The following ATG9B variants were observed in gnomAD, a reference collection of about 807,000 sequenced individuals.
The protein encoded by ATG9B is autophagy related 9B.
A neutral mutation model predicts 92.9 loss-of-function variants in ATG9B; 92 were observed. The ratio of observed to expected loss-of-function variants is 0.99; its 90% CI spans 0.84 to 1.18. The LOEUF is 1.18. ATG9B is among the 50% of genes most tolerant of loss of function. ATG9B has a pLI of 0.00. For synonymous variants in ATG9B, 599 were observed against 551.4 expected, an observed-to-expected ratio of 1.09 and a Z score of -1.21; for missense variants, 1,344 against 1,235.0, an observed-to-expected ratio of 1.09 and a Z score of -1.32.
chr7:151,020,248 C>T (rs1584928833), intron 5 of ATG9B: 1 of 152,786 alleles, frequency 6.5e-6, no homozygotes, highest in Non-Finnish European at 1.5e-5. Context: ...GGCTGCAAAC[C>T]TCACTTCAGC....
chr7:151,012,528 G>A (rs2117138616), downstream of ATG9B: 3 of 1,570,228 alleles, frequency 1.9e-6, no homozygotes, highest in Middle Eastern at 3.4e-4. Context: ...TAGGGACAGA[G>A]GGGTGGGGCT....
intron 10 of ATG9B, 22 bp downstream of exon 10, chr7:151,016,666 C>T (rs919909251): frequency 5.1e-6 from 8 of 1,558,148 alleles, no homozygotes; most frequent in Admixed American, 1.9e-5. Flanking sequence ...CATGCCCCTG[C>T]ATCTCAGCCT....
chr7:151,013,104 A>T, downstream of ATG9B: 1 of 995,184 alleles, frequency 1.0e-6, no homozygotes, highest in Non-Finnish European at 1.5e-6. Context: ...GAGATGAAAC[A>T]GCCAAAGTAA....
downstream of ATG9B, chr7:151,014,535 A>C (rs1795401228): frequency 4.3e-6 from 1 of 232,402 alleles, no homozygotes; most frequent in Non-Finnish European, 8.3e-6. Context: ...AAGATTTACC[A>C]TAAGGGACTG....
chr7:151,021,825 TA>T (rs1795763291), intron 4 of ATG9B, among the ~76,000 whole-genome samples: 2 of 143,278 alleles, frequency 1.4e-5, no homozygotes, highest in African/African-American at 2.5e-5. Flanking sequence ...AATTTTTGTA[TA>T]TTTTAGTAGA....
In ATG9B at chr7:151,017,033, C is replaced by T. The variant is rs1795521757; in HGVS notation, c.2289+3G>A. ...AGAAGGGGAGGCCAGGCTTGGGACT[C>T]ACCAGGGGCGAGGTGCAGTTGCTGA... On this transcript the variant is annotated splice_donor_region_variant and intron_variant, in intron 9 of 13. Transcript: ENST00000639579. The T allele has an allele frequency of 1.3e-6, 2 of 1,581,842 alleles. No homozygotes were observed. Among genetic ancestry groups the T allele is most frequent in the East Asian group, 4.6e-5 (2 of 43,334 alleles).
In ATG9B at chr7:151,018,177, C is replaced by G; in HGVS notation, c.1872+117G>C. 4.1e-6 allele frequency: 6 copies of G among 1,465,358 alleles called. No homozygotes were observed. The South Asian group carries it at 8.5e-5, about 21-fold the overall frequency. 90.8% of individuals were successfully genotyped at this position (1,465,358 alleles called of 1,614,324 possible). On this transcript the variant is annotated intron_variant, in intron 7 of 13. Coordinates refer to ENST00000639579, the MANE Select transcript of ATG9B (RefSeq NM_001317056.2). The surrounding 1 kb of genome is among the most constrained non-coding windows in gnomAD (Gnocchi z 4.7). ...CCCCACCCAGTCACTCCCTAGACTC[C>G]TGGTATAGTCCGTTTGTCTCATGCC... is the stretch of plus-strand genomic sequence containing the variant.
At position 151,019,246 on chromosome 7, in the gene ATG9B, G is replaced by A; in HGVS notation, c.1092C>T (p.Tyr364=). 1.9e-6 allele frequency: 3 copies of A among 1,563,068 alleles called. No individual in the cohort carries two copies. The highest frequency in any genetic ancestry group is 2.6e-6 in the Non-Finnish European group (3 of 1,160,874). ...TGGCCAGCGCCACCTGGTAGTTGGTGTAGCGCAGGATGCGGTGGTGGATGT... is the reference window on the plus strand; with the variant it reads ...TGGCCAGCGCCACCTGGTAGTTGGTATAGCGCAGGATGCGGTGGTGGATGT... ...ELDIHHRILR[Y]TNYQVALANK... The change falls in exon 6 of 14, where the codon TAC becomes TAT. Residue 364 remains tyrosine, a synonymous_variant. Coordinates refer to ENST00000639579, the MANE Select transcript of ATG9B (RefSeq NM_001317056.2).
At position 151,018,273 on chromosome 7, in the gene ATG9B, C is replaced by T. The variant is rs1795589344; in HGVS notation, c.1872+21G>A. On this transcript the variant is annotated intron_variant, in intron 7 of 13. Coordinates refer to ENST00000639579, the MANE Select transcript of ATG9B (RefSeq NM_001317056.2). This position sits in a 1 kb window ranked among gnomAD's most constrained non-coding sequence, Gnocchi z 4.7. ...AGACCCCACAACTTCCTCCTCAGCCCGCCGTCGCGCCCACCCTCACCGCTC... is the reference window on the plus strand; with the variant it reads ...AGACCCCACAACTTCCTCCTCAGCCTGCCGTCGCGCCCACCCTCACCGCTC... The T allele has an allele frequency of 6.6e-7, 1 of 1,519,944 alleles. No homozygotes were observed. The highest frequency in any genetic ancestry group is 8.8e-7 in the Non-Finnish European group (1 of 1,142,546). The allele number at this position is 1,519,944 out of a possible 1,614,324, so 94.2% of individuals were successfully genotyped here.
rs2117179502 is a variant in ATG9B, at chr7:151,023,944, C to A, written c.480G>T (p.Glu160Asp). ...CGTGGATGGGTGAGTCTTGGGACCC[C>A]TCAGGGTCACAGTCCTCCAGCCGCT... is the stretch of plus-strand genomic sequence containing the variant. ...DYERLEDCDP[E>D]GSQDSPIHGE... Residue 160 changes from glutamate (E) to aspartate (D), a missense_variant, in exon 1 of 14, where the codon GAG becomes GAT. Coordinates refer to ENST00000639579, the MANE Select transcript of ATG9B (RefSeq NM_001317056.2). 2 of 1,590,544 alleles carry A rather than the reference C, an allele frequency of 1.3e-6. No homozygotes were observed. Among genetic ancestry groups the A allele is most frequent in the South Asian group, 1.1e-5 (1 of 88,174 alleles).
rs899714174 is a variant in ATG9B at position 151,018,851 on chromosome 7, G to T, written c.1487C>A (p.Pro496Gln). The change falls in exon 6 of 14, where the codon CCG becomes CAG. Residue 496 changes from proline (P) to glutamine (Q), a missense_variant. Coordinates refer to ENST00000639579, the MANE Select transcript of ATG9B (RefSeq NM_001317056.2). This position sits in a 1 kb window ranked among gnomAD's most constrained non-coding sequence, Gnocchi z 4.7. The part of the protein sequence containing the change: ...RLQLRHFNEL[P>Q]HELRARLARA... Reference sequence around the variant, plus strand: ...GGCCAGGCGCGCGCGCAGCTCGTGCGGCAGCTCGTTGAAGTGGCGCAGCTG... The same window carrying T: ...GGCCAGGCGCGCGCGCAGCTCGTGCTGCAGCTCGTTGAAGTGGCGCAGCTG... 8.9e-5 allele frequency: 117 copies of T among 1,309,666 alleles called. No homozygotes were observed. The highest frequency in any genetic ancestry group is 2.5e-4 in the Middle Eastern group (1 of 3,930). 81.1% of individuals were successfully genotyped at this position (1,309,666 alleles called of 1,614,324 possible).
At position 151,016,724 on chromosome 7, in the gene ATG9B, A is replaced by G; in HGVS notation, c.2387T>C (p.Leu796Pro). 1 of 1,610,310 alleles carries G rather than the reference A, an allele frequency of 6.2e-7. No homozygotes were observed. Among genetic ancestry groups the G allele is most frequent in the Admixed American group, 1.7e-5 (1 of 59,692 alleles). The change falls in exon 10 of 14, where the codon CTC becomes CCC. Residue 796 changes from leucine to proline, a missense_variant. Transcript: ENST00000639579. The part of the protein sequence containing the change: ...APCPAAATAS[L>P]LASISRIAQD... ...GGCAATTCGGGAAATGGAGGCAAGG[A>G]GGCTGGCTGTGGCCGCAGCTGGACA... is the stretch of plus-strand genomic sequence containing the variant.
At position 151,023,222 on chromosome 7, in the gene ATG9B, G is replaced by T. The variant is rs771074134; in HGVS notation, c.660-16C>A. The T allele has an allele frequency of 1.9e-6, 3 of 1,614,082 alleles. No homozygotes were observed. The highest frequency in any genetic ancestry group is 1.1e-5 in the South Asian group (1 of 91,058). On this transcript the variant is annotated splice_polypyrimidine_tract_variant and intron_variant, in intron 3 of 13. Transcript: ENST00000639579. Reference sequence around the variant, plus strand: ...AATAAATTGTCTGCCGGGAGGAAGGGGGGGTGCCGGGATGCTGCAGTGATC... The same window carrying T: ...AATAAATTGTCTGCCGGGAGGAAGGTGGGGTGCCGGGATGCTGCAGTGATC...
chr7:151,016,479 T>C lies in ATG9B; in HGVS notation c.2472A>G (p.Pro824=). The change falls in exon 11 of 14, where the codon CCA becomes CCG. Residue 824 remains proline, a synonymous_variant. Transcript: ENST00000639579. ...GTGGQKLAQL[P]ELASAEMSLH... ...GACTCATCTCGGCAGAAGCAAGTTC[T>C]GGGAGCTGGGCCAGCTTCTGGCCCC... 6.4e-7 allele frequency: 1 copy of C among 1,551,448 alleles called. No homozygotes were observed. Among genetic ancestry groups the C allele is most frequent in the Non-Finnish European group, 8.7e-7 (1 of 1,146,964 alleles).
chr7:151,018,769 C>CAGGGGCGCG lies in ATG9B; in HGVS notation c.1560_1568dup (p.Ala521_Leu523dup), dbSNP rs749288437. 6.7e-7 allele frequency: 1 copy of CAGGGGCGCG among 1,487,822 alleles called. No homozygotes were observed. Among genetic ancestry groups the CAGGGGCGCG allele is most frequent in the Non-Finnish European group, 8.9e-7 (1 of 1,123,670 alleles). The allele number at this position is 1,487,822 out of a possible 1,614,324, so 92.2% of individuals were successfully genotyped here. On this transcript the variant is annotated inframe_insertion, in exon 6 of 14. Coordinates refer to ENST00000639579, the MANE Select transcript of ATG9B (RefSeq NM_001317056.2). The surrounding 1 kb of genome is among the most constrained non-coding windows in gnomAD (Gnocchi z 4.7). ...CGAGCTGGCGGGCCAGCAGCGTGCG[C>CAGGGGCGCG]AGGGGCGCGGGGGGCGCAGCGGTGC... is the stretch of plus-strand genomic sequence containing the variant.
chr7:151,016,572 G>A lies in ATG9B; in HGVS notation c.2424-45C>T, dbSNP rs3918222. 7,099 of 1,544,008 alleles carry A rather than the reference G, an allele frequency of 4.6e-3. 453 individuals are homozygous for A. The Admixed American group carries it at 0.12, about 26-fold the overall frequency. On this transcript the variant is annotated intron_variant, in intron 10 of 13. Coordinates refer to ENST00000639579, the MANE Select transcript of ATG9B (RefSeq NM_001317056.2). ...AGGTCAAAAGTCATGCCCTCCTCCC[G>A]CCACACCCCAGAGGACTCCCCTTCT...
chr7:151,018,777 CG>C lies in ATG9B; in HGVS notation c.1560del (p.Ala521ArgfsTer33). ...AAAFLRTAAP[P>X]APLRTLLARQ... ...CGGGCCAGCAGCGTGCGCAGGGGCG[CG>C]GGGGGCGCAGCGGTGCGCAGGAAGG... On this transcript the variant is annotated frameshift_variant, in exon 6 of 14. Coordinates refer to ENST00000639579, the MANE Select transcript of ATG9B (RefSeq NM_001317056.2). LOFTEE classifies it high-confidence loss of function. This position sits in a 1 kb window ranked among gnomAD's most constrained non-coding sequence, Gnocchi z 4.7. 6 of 1,447,970 alleles carry C rather than the reference CG, an allele frequency of 4.1e-6. 1 individual carries two copies. The highest frequency in any genetic ancestry group is 3.7e-4 in the Middle Eastern group (2 of 5,430). 89.7% of individuals were successfully genotyped at this position (1,447,970 alleles called of 1,614,324 possible).
In ATG9B at chr7:151,019,363, G is replaced by A. The variant is rs1424524654; in HGVS notation, c.975C>T (p.Ser325=). ...EALHIPPEEL[S]SVPWAEVQSR... ...ACTGCACCTCTGCCCAGGGAACCGA[G>A]CTCAGCTCCTCCTGAAAGGGGCACT... Residue 325 remains serine, a synonymous_variant, in exon 6 of 14, where the codon AGC becomes AGT. Coordinates refer to ENST00000639579, the MANE Select transcript of ATG9B (RefSeq NM_001317056.2). 1 of 1,520,912 alleles carries A rather than the reference G, an allele frequency of 6.6e-7. No individual in the cohort carries two copies. Among genetic ancestry groups the A allele is most frequent in the Middle Eastern group, 1.8e-4 (1 of 5,636 alleles). 94.2% of individuals were successfully genotyped at this position (1,520,912 alleles called of 1,614,324 possible).
chr7:151,024,413 C>T lies in ATG9B; in HGVS notation c.11G>A (p.Arg4Gln), dbSNP rs375373377. Residue 4 changes from arginine (R) to glutamine (Q), a missense_variant, in exon 1 of 14, where the codon CGA becomes CAA. Arg to Gln is a conservative substitution (Grantham distance 43). Transcript: ENST00000639579. ...CCTTCTTCTCCCCCCCCAGCCCATT[C>T]GGCTCACCATCAGGCCACGGCTTCT... MVS[R>Q]MGWGGRRRRL... is the part of the protein sequence containing the mutation. 2.1e-5 allele frequency: 28 copies of T among 1,361,962 alleles called. No individual in the cohort carries two copies. Among genetic ancestry groups the T allele is most frequent in the African/African-American group, 3.0e-5 (2 of 67,478 alleles). The allele number at this position is 1,361,962 out of a possible 1,614,324, so 84.4% of individuals were successfully genotyped here. A position where few individuals can be genotyped will look rare whatever the true frequency, so the allele number is the denominator to read the frequency against.
Sources: gnomAD v4.1 joint callset for allele counts (sites outside exome capture counted in the v4.1 genomes callset) on GRCh38, gnomAD v4.1.1 for gene constraint, Gnocchi (gnomAD v3.1) non-coding constraint, MANE v1.5 for transcripts, NCBI Gene and HGNC (gene_info 2026-07-23, HGNC 2026-07-21) for gene names.